The following GPAT2 variants were observed in gnomAD, a reference collection of about 807,000 sequenced individuals.
GPAT2 encodes the protein glycerol-3-phosphate acyltransferase 2, mitochondrial, also known as 1-acylglycerol-3-phosphate O-acyltransferase GPAT2.
Under a neutral mutation model 71.0 loss-of-function variants are expected in GPAT2, and 51 were observed. The observed-to-expected ratio is 0.72, with a 90% CI of 0.57 to 0.91. The LOEUF (loss-of-function observed/expected upper bound fraction) is 0.91, where lower values mean the gene tolerates loss of function less well. Ranked by LOEUF, GPAT2 falls within the 40% of genes least tolerant of loss-of-function variation. GPAT2 has a pLI of 0.00. For missense variants in GPAT2, 511 were observed against 666.0 expected (o/e 0.77, Z 2.56); for synonymous variants, 222 against 290.3 (o/e 0.76, Z 2.39).
At position 96,022,914 on chromosome 2, in the gene GPAT2, A is replaced by G. The variant is rs764953962; in HGVS notation, c.2233+44T>C. ...TGCAGGGGGCAGCAGCCACCAGCAA[A>G]CACCACTGCCTGCAGGAGCCTGGGC... On this transcript the variant is annotated intron_variant, in intron 20 of 21. Transcript: ENST00000434632. The G allele has an allele frequency of 2.5e-6, 4 of 1,613,398 alleles. No individual in the cohort carries two copies. The South Asian group carries it at 3.3e-5, about 13-fold the overall frequency.
At position 96,022,167 on chromosome 2, in the gene GPAT2, A is replaced by G. The variant is rs1372605555; in HGVS notation, c.2398T>C (p.Cys800Arg). ...GGCTCCTCCTCACAGTTCTAGCTACAAATGAACTGCCGGATGAACTGTTCT... is the reference window on the plus strand; with the variant it reads ...GGCTCCTCCTCACAGTTCTAGCTACGAATGAACTGCCGGATGAACTGTTCT... ...KLEQFIRQFI[C>R]S Residue 800 changes from cysteine (C) to arginine (R), a missense_variant, in exon 22 of 22, where the codon TGT (cysteine) becomes CGT (arginine). Transcript: ENST00000434632. The G allele has an allele frequency of 1.9e-6, 3 of 1,610,656 alleles. No individual in the cohort carries two copies. The highest frequency in any genetic ancestry group is 2.5e-6 in the Non-Finnish European group (3 of 1,179,330).
In GPAT2 at chr2:96,022,205, T is replaced by G; in HGVS notation, c.2360A>C (p.Asn787Thr). The G allele has an allele frequency of 6.2e-7, 1 of 1,611,256 alleles. No individual in the cohort carries two copies. The highest frequency in any genetic ancestry group is 8.5e-7 in the Non-Finnish European group (1 of 1,179,440). Residue 787 changes from asparagine (N) to threonine (T), a missense_variant, in exon 22 of 22, where the codon AAT (asparagine) becomes ACT (threonine). Physicochemically the swap from Asn to Thr is moderately conservative, Grantham distance 65. Around this residue, in one of 7 missense-constraint regions of GPAT2, gnomAD observed 108 missense variants for 117.6 expected, o/e 0.92. Coordinates refer to ENST00000434632, the MANE Select transcript of GPAT2 (RefSeq NM_001321527.2). ...GATGAACTGTTCTAGTTTTTCCTGA[T>G]TGTCCAGGCTGGCAAAAGTAGGGGA... ...HLSPTFASLD[N>T]QEKLEQFIRQ...
In GPAT2 at chr2:96,032,079, C is replaced by A; in HGVS notation, c.131G>T (p.Arg44Leu). 4 of 1,542,564 alleles carry A rather than the reference C, an allele frequency of 2.6e-6. 1 individual carries two copies. Among genetic ancestry groups the A allele is most frequent in the Non-Finnish European group, 3.5e-6 (4 of 1,126,786 alleles). ...CTGGCAACAGCGACCCACAAAGGGG[C>A]GATACTTCCCCAGGAATGGAGTGAC... ...EAVTPFLGKY[R>L]PFVGRCCQTC... The change falls in exon 3 of 22, where the codon CGC becomes CTC. Residue 44 changes from arginine (R) to leucine (L), a missense_variant. Transcript: ENST00000434632.
chr2:96,025,126 G>C (rs544693201), intron 13 of GPAT2: 2 of 586,528 alleles, frequency 3.4e-6, no homozygotes, highest in Admixed American at 6.0e-5. Flanking sequence ...GGCCCTCTGT[G>C]GAGGCGCTGT....
At chr2:96,023,065 C>T in intron 19 of GPAT2, 41 bp downstream of exon 19, 4 of 1,613,862 alleles carry the variant, frequency 2.5e-6, no homozygotes, top group Non-Finnish European at 3.4e-6. Flanking sequence ...CCAGCACAGA[C>T]ACAGCCTGCC....
Position 96,022,275 on chromosome 2 carries a change from C to T in GPAT2, c.2290G>A (p.Val764Ile). The change falls in exon 22 of 22, where the codon GTT (valine) becomes ATT (isoleucine). Residue 764 changes from valine to isoleucine, a missense_variant and splice_region_variant. By Grantham distance (29) the Val-to-Ile change is conservative. Around this residue, in one of 7 missense-constraint regions of GPAT2, gnomAD observed 108 missense variants for 117.6 expected, o/e 0.92. Transcript: ENST00000434632. ...SAVWTFRDLG[V>I]LQQTPSPAGP... The stretch of plus-strand genomic sequence containing the variant: ...GCAGGGCTCGGCGTCTGCTGCAGAA[C>T]CTGGGCCATGGAAGATAAGCCGTGA... The T allele has an allele frequency of 1.3e-6, 2 of 1,592,408 alleles. No individual in the cohort carries two copies. The highest frequency in any genetic ancestry group is 1.1e-5 in the South Asian group (1 of 88,916).
At chr2:96,022,445 A>G (rs1299851969) in intron 21 of GPAT2, among the ~76,000 whole-genome samples, 170 bp from the exon 22 acceptor site, 1 of 152,230 alleles carries the variant, frequency 6.6e-6, no homozygotes, top group Non-Finnish European at 1.5e-5. Flanking sequence ...CCACCTAGAA[A>G]GATGAGCCAG....
rs552952092 is a variant in GPAT2, at chr2:96,024,572, T to C, written c.1542A>G (p.Ser514=). ...CCACGTGCGCCCGCAGCAGGCTCAG[T>C]GAGTGCTGCAGCAGGCTCCGCAGCT... is the stretch of plus-strand genomic sequence containing the variant. ...SGQLRSLLQH[S]LSLLRAHVAL... Residue 514 remains serine (S), a synonymous_variant, in exon 15 of 22, where the codon TCA becomes TCG. Coordinates refer to ENST00000434632, the MANE Select transcript of GPAT2 (RefSeq NM_001321527.2). 3.1e-6 allele frequency: 5 copies of C among 1,613,684 alleles called. No homozygotes were observed. In the African/African-American group the frequency reaches 5.3e-5, roughly 17 times the overall value.
intron 14 of GPAT2, 42 bp downstream of exon 14, chr2:96,024,731 C>T: frequency 6.3e-7 from 1 of 1,584,544 alleles, no homozygotes; most frequent in Non-Finnish European, 8.6e-7. Flanking sequence ...CACATCGCCA[C>T]CCCCCCCACC....
intron 14 of GPAT2, 29 bp downstream of exon 14, chr2:96,024,744 C>T (rs1182865187): frequency 6.2e-7 from 1 of 1,613,988 alleles, no homozygotes; most frequent in Admixed American, 1.7e-5. Context: ...CCCCCACCGC[C>T]CAGGTCCCCA....
intron 10 of GPAT2, 39 bp from the exon 11 acceptor site, chr2:96,026,344 A>C: frequency 6.9e-7 from 1 of 1,447,006 alleles, no homozygotes. Context: ...CGCCGAGGAC[A>C]CTGCTCTCGG....
Position 96,025,975 on chromosome 2 carries a change from C to G in GPAT2, c.1193G>C (p.Arg398Thr), listed in dbSNP as rs1320777740. The change falls in exon 12 of 22, where the codon AGA (arginine) becomes ACA (threonine). Residue 398 changes from arginine to threonine, a missense_variant. Physicochemically the swap from Arg to Thr is moderately conservative, Grantham distance 71 (BLOSUM62 -1). This residue lies in a region of GPAT2 where 79 missense variants were observed against 111.4 expected (regional missense o/e 0.71). Coordinates refer to ENST00000434632, the MANE Select transcript of GPAT2 (RefSeq NM_001321527.2). ...IVSARSCWGG[R>T]QTLEQLLQPI... ...CTGCAGTAGCTGCTCCAGGGTCTGT[C>G]TGCCGCCCCAGCAGCTTCTGGCACT... is the stretch of plus-strand genomic sequence containing the variant. 3.1e-6 allele frequency: 5 copies of G among 1,612,600 alleles called. No homozygotes were observed. The highest frequency in any genetic ancestry group is 1.1e-5 in the South Asian group (1 of 91,038).
Position 96,022,006 on chromosome 2 carries a change from G to A in GPAT2, c.*153C>T. 1 of 1,457,968 alleles carries A rather than the reference G, an allele frequency of 6.9e-7. No homozygotes were observed. The highest frequency in any genetic ancestry group is 1.4e-5 in the South Asian group (1 of 69,574). 90.3% of individuals were successfully genotyped at this position (1,457,968 alleles called of 1,614,324 possible). A position where few individuals can be genotyped will look rare whatever the true frequency, so the allele number is the denominator to read the frequency against. ...CCCCTTGTTTATCACATCAAAGAAGGGAAAAAGCAAGAGATGGCAAGGGAC... is the reference window on the plus strand; with the variant it reads ...CCCCTTGTTTATCACATCAAAGAAGAGAAAAAGCAAGAGATGGCAAGGGAC... On this transcript the variant is annotated 3_prime_UTR_variant, in exon 22 of 22. Coordinates refer to ENST00000434632, the MANE Select transcript of GPAT2 (RefSeq NM_001321527.2).
intron 13 of GPAT2, 98 bp downstream of exon 13, chr2:96,025,387 G>A (rs1680285026): frequency 2.8e-6 from 4 of 1,445,144 alleles, no homozygotes; most frequent in Admixed American, 5.2e-5. Flanking sequence ...CACCTCAGGT[G>A]CAGACACTTG....
rs750205101 is a variant in GPAT2, at chr2:96,023,943, C to T, written c.1894G>A (p.Gly632Arg). ...QEVLDRLIQC[G>R]LLVAEETPGS... ...CCTACCTCCTCAGCAACCAGGAGCC[C>T]GCATTGGATGAGCCGGTCCAGCACC... The change falls in exon 17 of 22, where the codon GGG becomes AGG. Residue 632 changes from glycine to arginine, a missense_variant. Coordinates refer to ENST00000434632, the MANE Select transcript of GPAT2 (RefSeq NM_001321527.2). 6.2e-6 allele frequency: 10 copies of T among 1,604,024 alleles called. No individual in the cohort carries two copies. The highest frequency in any genetic ancestry group is 1.3e-5 in the African/African-American group (1 of 74,806).
rs1327615131 is a variant in GPAT2 at position 96,024,667 on chromosome 2, G to T, written c.1447C>A (p.Leu483Ile). 3 of 1,613,954 alleles carry T rather than the reference G, an allele frequency of 1.9e-6. No individual in the cohort carries two copies. Among genetic ancestry groups the T allele is most frequent in the Non-Finnish European group, 2.5e-6 (3 of 1,179,918 alleles). ...KHQKGVFLSQ[L>I]LGEFSWLTEE... ...GTCAGCCAGGAGAACTCCCCCAGGA[G>T]CTGCGACAGGAACACACCCTGGGTG... The change falls in exon 15 of 22, where the codon CTC becomes ATC. Residue 483 changes from leucine to isoleucine, a missense_variant. Physicochemically the swap from Leu to Ile is conservative, Grantham distance 5 (BLOSUM62 2). This residue lies in a region of GPAT2 where 295 missense variants were observed against 305.5 expected (regional missense o/e 0.97). Transcript: ENST00000434632.
At position 96,022,044 on chromosome 2, in the gene GPAT2, A is replaced by G; in HGVS notation, c.*115T>C. The G allele has an allele frequency of 6.7e-6, 10 of 1,482,520 alleles. No homozygotes were observed. Among genetic ancestry groups the G allele is most frequent in the Non-Finnish European group, 9.0e-6 (10 of 1,113,934 alleles). The allele number at this position is 1,482,520 out of a possible 1,614,324, so 91.8% of individuals were successfully genotyped here. On this transcript the variant is annotated 3_prime_UTR_variant, in exon 22 of 22. Coordinates refer to ENST00000434632, the MANE Select transcript of GPAT2 (RefSeq NM_001321527.2). ...GATGGCAAGGGACAATCAAGCCTCA[A>G]TGATTATATTTATAGAGCAGCTAAG...
Position 96,024,413 on chromosome 2 carries a change from AC to A in GPAT2, c.1687+13del. 3 of 1,611,822 alleles carry A rather than the reference AC, an allele frequency of 1.9e-6. No homozygotes were observed. The Middle Eastern group carries it at 5.0e-4, about 266-fold the overall frequency. On this transcript the variant is annotated intron_variant, in intron 15 of 21. Coordinates refer to ENST00000434632, the MANE Select transcript of GPAT2 (RefSeq NM_001321527.2). Reference sequence around the variant, plus strand: ...CACACACATCCCACCTACCCCGTGCACCTCAAGACTCACCGCCCACAGCCTC... The same window carrying A: ...CACACACATCCCACCTACCCCGTGCACTCAAGACTCACCGCCCACAGCCTC...
In GPAT2 at chr2:96,022,681, A is replaced by G; in HGVS notation, c.2276T>C (p.Phe759Ser). Reference protein sequence around the residue: ...PKLAISAVWTFRDLGVLQQTP... With the variant: ...PKLAISAVWTSRDLGVLQQTP... ...GGCTCCTCTCACCCCTAGGTCTCTG[A>G]AGGTCCAGACAGCACTGATGGCGAG... Residue 759 changes from phenylalanine (F) to serine (S), a missense_variant, in exon 21 of 22, where the codon TTC becomes TCC. Physicochemically the swap from Phe to Ser is radical, Grantham distance 155 (BLOSUM62 -2). This residue lies in a region of GPAT2 where 108 missense variants were observed against 117.6 expected (regional missense o/e 0.92). Transcript: ENST00000434632. The G allele has an allele frequency of 6.2e-7, 1 of 1,613,962 alleles. No individual in the cohort carries two copies. Among genetic ancestry groups the G allele is most frequent in the Non-Finnish European group, 8.5e-7 (1 of 1,179,854 alleles).
Sources: allele counts gnomAD v4.1 joint callset (sites outside exome capture counted in the v4.1 genomes callset), GRCh38; gene constraint gnomAD v4.1.1; regional missense constraint gnomAD v4.1.1; transcripts MANE v1.5; gene names NCBI Gene and HGNC (gene_info 2026-07-23, HGNC 2026-07-21).